The following ZNF704 variants were observed in gnomAD, a reference collection of about 807,000 sequenced individuals.
ZNF704 encodes glucocorticoid induced gene 1.
ZNF704 carries 10 observed loss-of-function variants against 44.7 expected under a neutral mutation model. The observed-to-expected ratio is 0.22, with a 90% CI of 0.14 to 0.38. ZNF704 has a LOEUF of 0.38. Ranked by LOEUF, ZNF704 falls within the 10% of genes least tolerant of loss-of-function variation. The pLI, the probability that ZNF704 is intolerant of heterozygous loss-of-function variation, is 1.00. For missense variants in ZNF704, 390 were observed against 545.5 expected (o/e 0.71, Z 2.84); for synonymous variants, 211 against 207.6 (o/e 1.02, Z -0.14).
In ZNF704 at chr8:80,757,062, C is replaced by A. The variant is rs189341984; in HGVS notation, c.222-63955G>T. Among the ~76,000 whole-genome samples, 702 of 152,300 alleles carry A rather than the reference C, an allele frequency of 4.6e-3. 1 individual carries two copies. The highest frequency in any genetic ancestry group is 7.0e-3 in the Non-Finnish European group (474 of 68,032). ...ATTGACTAGTACTTACCATACTGTA[C>A]TTTTTATTGTTGTTTCAGAGTACAG... On this transcript the variant is annotated intron_variant, in intron 2 of 8. Transcript: ENST00000327835.
At position 80,635,497 on chromosome 8, in the gene ZNF704, TA is replaced by T. The variant is rs1215875374; in HGVS notation, c.*5868del. 2 of 152,244 alleles carry T rather than the reference TA, an allele frequency of 1.3e-5. No individual in the cohort carries two copies. The highest frequency in any genetic ancestry group is 2.9e-5 in the Non-Finnish European group (2 of 68,042). 9.4% of individuals were successfully genotyped at this position (152,244 alleles called of 1,614,324 possible). On this transcript the variant is annotated 3_prime_UTR_variant, in exon 9 of 9. Coordinates refer to ENST00000327835, the MANE Select transcript of ZNF704 (RefSeq NM_001033723.3). The stretch of plus-strand genomic sequence containing the variant: ...GTTAGTGCTGAGGACAAAATTATTT[TA>T]AACACTACTGATCACCTAAGAATTC...
chr8:80,787,319 T>G (rs1412394681), intron 2 of ZNF704, among the ~76,000 whole-genome samples: 17 of 152,212 alleles, frequency 1.1e-4, no homozygotes, highest in Admixed American at 1.1e-3. Flanking sequence ...TTTGCACATC[T>G]ACATGTGCGT....
At chr8:80,703,441 C>G (rs932702846) in intron 2 of ZNF704, among the ~76,000 whole-genome samples, 1 of 152,060 alleles carries the variant, frequency 6.6e-6, no homozygotes, top group African/African-American at 2.4e-5. Context: ...TCTTTTTATT[C>G]CCAACTTCTA....
intron 7 of ZNF704, among the ~76,000 whole-genome samples, chr8:80,655,866 C>T (rs1390971304): frequency 6.6e-6 from 1 of 152,212 alleles, no homozygotes; most frequent in African/African-American, 2.4e-5. Flanking sequence ...ATAAGCACTG[C>T]TATTTCAGCT....
chr8:80,729,167 A>G (rs1806533728), intron 2 of ZNF704, among the ~76,000 whole-genome samples: 1 of 152,164 alleles, frequency 6.6e-6, no homozygotes, highest in Non-Finnish European at 1.5e-5. Context: ...ATAGGAACAG[A>G]GAGGATGAAA....
At chr8:80,657,386 G>A (rs1198292471) in intron 7 of ZNF704, among the ~76,000 whole-genome samples, 6 of 152,106 alleles carry the variant, frequency 3.9e-5, no homozygotes, top group Non-Finnish European at 8.8e-5. Context: ...GAATTCTCTG[G>A]TGAAAGAATA....
At chr8:80,808,917 C>A (rs1184461789) in intron 2 of ZNF704, among the ~76,000 whole-genome samples, 1 of 152,164 alleles carries the variant, frequency 6.6e-6, no homozygotes, top group African/African-American at 2.4e-5. Flanking sequence ...TAATCACATC[C>A]AAGTGTCATT....
At chr8:80,665,969 AT>A (rs1284962487) in intron 5 of ZNF704, among the ~76,000 whole-genome samples, 2 of 131,342 alleles carry the variant, frequency 1.5e-5, no homozygotes, top group Non-Finnish European at 3.1e-5. Flanking sequence ...TTATTTATTT[AT>A]TTTTTTATTA....
At chr8:80,788,964 T>C (rs1227763748) in intron 2 of ZNF704, among the ~76,000 whole-genome samples, 1 of 152,218 alleles carries the variant, frequency 6.6e-6, no homozygotes, top group African/African-American at 2.4e-5. Flanking sequence ...CGAAAAACTA[T>C]CGACTGTATT....
chr8:80,696,417 A>AT lies in ZNF704; in HGVS notation c.222-3311dup, dbSNP rs534103523. 5.3e-4 allele frequency among the ~76,000 whole-genome samples: 80 copies of AT among 152,004 alleles called. 2 individuals carry two copies. Among genetic ancestry groups the AT allele is most frequent in the East Asian group, 2.9e-3 (15 of 5,162 alleles). On this transcript the variant is annotated intron_variant, in intron 2 of 8. Transcript: ENST00000327835. ...AGACCAGAAGTGTTTTGGATTTCAG[A>AT]TTTTTTTTGTTTTGTTTTGAGATGG...
intron 7 of ZNF704, among the ~76,000 whole-genome samples, chr8:80,655,483 C>T (rs780513181): frequency 7.2e-5 from 11 of 152,100 alleles, no homozygotes; most frequent in South Asian, 2.1e-4. Context: ...AGGGAGGAGC[C>T]GCTTTCTCTG....
In ZNF704 at chr8:80,641,356, TG is replaced by T; in HGVS notation, c.*9del. On this transcript the variant is annotated 3_prime_UTR_variant, in exon 9 of 9. Coordinates refer to ENST00000327835, the MANE Select transcript of ZNF704 (RefSeq NM_001033723.3). ...GCTCAGGGCCCTGAGCCCCTCTGCCTGGGGGTCTCTCAGTCGAGGAACCTCT... is the reference window on the plus strand; with the variant it reads ...GCTCAGGGCCCTGAGCCCCTCTGCCTGGGGTCTCTCAGTCGAGGAACCTCT... The T allele has an allele frequency of 6.4e-7, 1 of 1,570,018 alleles. No individual in the cohort carries two copies. Among genetic ancestry groups the T allele is most frequent in the African/African-American group, 1.4e-5 (1 of 73,872 alleles).
intron 2 of ZNF704, among the ~76,000 whole-genome samples, chr8:80,803,789 GA>G (rs1563559053): frequency 6.6e-6 from 1 of 151,988 alleles, no homozygotes; most frequent in Non-Finnish European, 1.5e-5. Context: ...ACTTCATGGC[GA>G]AAACACCAAA....
At chr8:80,650,610 T>C (rs998815550) in intron 7 of ZNF704, among the ~76,000 whole-genome samples, 1 of 152,086 alleles carries the variant, frequency 6.6e-6, no homozygotes, top group African/African-American at 2.4e-5. Flanking sequence ...AAGAGAAGTT[T>C]AGACAAAAAA....
At chr8:80,789,825 C>A (rs905136742) in intron 2 of ZNF704, among the ~76,000 whole-genome samples, 1 of 152,068 alleles carries the variant, frequency 6.6e-6, no homozygotes, top group African/African-American at 2.4e-5. Flanking sequence ...AAGTAAGTAC[C>A]TTCAAAGCTT....
At chr8:80,834,428 T>C (rs2129938768) in intron 1 of ZNF704, among the ~76,000 whole-genome samples, 1 of 152,326 alleles carries the variant, frequency 6.6e-6, no homozygotes, top group East Asian at 1.9e-4. Context: ...TGCGTTATGT[T>C]TTGGCATCAT....
At chr8:80,661,479 G>A (rs1818100922) in intron 6 of ZNF704, among the ~76,000 whole-genome samples, 1 of 152,006 alleles carries the variant, frequency 6.6e-6, no homozygotes, top group Non-Finnish European at 1.5e-5. Flanking sequence ...CCTATCAAAG[G>A]GACACCTGCA....
intron 2 of ZNF704, among the ~76,000 whole-genome samples, chr8:80,771,241 A>G (rs1214031289): frequency 6.6e-6 from 1 of 152,190 alleles, no homozygotes; most frequent in Non-Finnish European, 1.5e-5. Flanking sequence ...TCTACAAAAT[A>G]TCTTGTTAGA....
chr8:80,824,522 T>C (rs1808337699), intron 1 of ZNF704, among the ~76,000 whole-genome samples: 2 of 152,094 alleles, frequency 1.3e-5, no homozygotes, highest in Admixed American at 6.5e-5. Flanking sequence ...TATCCAGAAC[T>C]TCCCCAACCT....
Sources: allele counts gnomAD v4.1 joint callset (sites outside exome capture counted in the v4.1 genomes callset), GRCh38; gene constraint gnomAD v4.1.1; transcripts MANE v1.5; gene names NCBI Gene and HGNC (gene_info 2026-07-23, HGNC 2026-07-21).